Variants in RGS8 observed in about 807,000 individuals in gnomAD.
RGS8 encodes the protein regulator of G protein signaling 8, also known as regulator of G-protein signaling 8.
Under a neutral mutation model 21.7 loss-of-function variants are expected in RGS8, and 8 were observed. The ratio of observed to expected loss-of-function variants is 0.37; its 90% CI spans 0.22 to 0.66. The LOEUF (loss-of-function observed/expected upper bound fraction) is 0.66. Among genes scored for constraint, RGS8 ranks in the 30% least tolerant of loss-of-function variants. The pLI is 0.59. For synonymous variants in RGS8, 80 were observed against 83.6 expected (o/e 0.96, Z 0.24); for missense variants, 157 against 217.9 (o/e 0.72, Z 1.76).
chr1:182,657,048 T>C (rs1175690800), intron 5 of RGS8, among the ~76,000 whole-genome samples: 1 of 152,234 alleles, frequency 6.6e-6, no homozygotes, highest in East Asian at 1.9e-4. Flanking sequence ...CTGGAGCAGA[T>C]GGCAGCAGCG....
the RGS8 span, among the ~76,000 whole-genome samples, chr1:182,752,205 G>A: frequency 2.0e-5 from 3 of 152,214 alleles, no homozygotes; most frequent in Non-Finnish European, 4.4e-5. Flanking sequence ...TGACATGACA[G>A]CAGAGGCTGG....
At chr1:182,692,006 CTT>C in the RGS8 span, among the ~76,000 whole-genome samples, 5,256 of 138,032 alleles carry the variant, frequency 0.038, 112 homozygotes, top group Admixed American at 0.048. Context: ...GTTAGCATTT[CTT>C]TTTTTTTTTT....
chr1:182,723,146 G>A, the RGS8 span, among the ~76,000 whole-genome samples: 1 of 152,044 alleles, frequency 6.6e-6, no homozygotes, highest in South Asian at 2.1e-4. Flanking sequence ...GGTTGGGGGG[G>A]ACATTATTCA....
chr1:182,685,842 G>A (rs1043119720), upstream of RGS8, among the ~76,000 whole-genome samples: 5 of 152,166 alleles, frequency 3.3e-5, no homozygotes, highest in African/African-American at 1.2e-4. Context: ...CCTAGTATGT[G>A]CTGTGGGGGA....
chr1:182,671,042 C>T (rs1664132791), intron 2 of RGS8, among the ~76,000 whole-genome samples: 1 of 152,200 alleles, frequency 6.6e-6, no homozygotes, highest in African/African-American at 2.4e-5. Context: ...CGACTACCCA[C>T]CTACATTGCA....
chr1:182,717,066 C>G, the RGS8 span, among the ~76,000 whole-genome samples: 2 of 152,170 alleles, frequency 1.3e-5, no homozygotes, highest in Non-Finnish European at 2.9e-5. Flanking sequence ...ATGAGTGGCT[C>G]TCATTACTAT....
intron 3 of RGS8, among the ~76,000 whole-genome samples, chr1:182,668,988 G>C (rs79086816): frequency 1.3e-3 from 198 of 152,282 alleles, no homozygotes; most frequent in African/African-American, 4.5e-3. Context: ...CCCTCAAAGA[G>C]CAATCAAGAG....
upstream of RGS8, among the ~76,000 whole-genome samples, chr1:182,686,122 G>A (rs589232): frequency 0.23 from 34,488 of 151,928 alleles, 5,467 homozygotes; most frequent in African/African-American, 0.45. Context: ...AGAGAAAGCA[G>A]GGCTGAGGAA....
upstream of RGS8, among the ~76,000 whole-genome samples, chr1:182,677,124 T>C (rs578187771): frequency 7.2e-5 from 11 of 152,306 alleles, 1 homozygote; most frequent in South Asian, 2.3e-3. Context: ...AAAGAAAGTG[T>C]GGTGGATTTG....
At chr1:182,718,061 T>A in the RGS8 span, among the ~76,000 whole-genome samples, 2 of 152,218 alleles carry the variant, frequency 1.3e-5, no homozygotes, top group Non-Finnish European at 2.9e-5. Flanking sequence ...GACCTAAGTC[T>A]GTGCTGAGAT....
At chr1:182,679,841 C>T (rs1664484739) in intron 1 of RGS8, among the ~76,000 whole-genome samples, 1 of 152,132 alleles carries the variant, frequency 6.6e-6, no homozygotes, top group African/African-American at 2.4e-5. Flanking sequence ...ACCCCCTACA[C>T]ACACATATAA....
Position 182,671,826 on chromosome 1 carries a change from A to T in RGS8, c.-178+23T>A, listed in dbSNP as rs1000974949. The T allele has an allele frequency of 3.1e-6, 5 of 1,597,820 alleles. No homozygotes were observed. In the East Asian group the frequency reaches 9.0e-5, roughly 29 times the overall value. On this transcript the variant is annotated intron_variant, in intron 1 of 6. Coordinates refer to ENST00000483095, the Ensembl canonical transcript of RGS8. ...CATAGGGGCACACACACACATATAC[A>T]CACACAGGCATGCACAACACACCTC...
the RGS8 span, among the ~76,000 whole-genome samples, chr1:182,739,962 TCCCAACA>T: frequency 6.6e-6 from 1 of 151,920 alleles, no homozygotes; most frequent in Admixed American, 6.6e-5. Context: ...ATGCTCCAGC[TCCCAACA>T]CCCAACCCCC....
the RGS8 span, among the ~76,000 whole-genome samples, chr1:182,701,266 C>T: frequency 2.0e-5 from 3 of 152,208 alleles, no homozygotes; most frequent in Non-Finnish European, 4.4e-5. Context: ...CAGCAGGCAT[C>T]AGATGACTTC....
In RGS8 at chr1:182,666,976, G is replaced by A. The variant is rs780270260; in HGVS notation, c.27-3C>T. 6.2e-7 allele frequency: 1 copy of A among 1,610,506 alleles called. No homozygotes were observed. The highest frequency in any genetic ancestry group is 1.1e-5 in the South Asian group (1 of 90,988). ...GTCGAGTCCTCATCCCTTTGTTCCT[G>A]CAACAAGCACAGGGGCAGAAGGACG... On this transcript the variant is annotated splice_region_variant and splice_polypyrimidine_tract_variant and intron_variant, in intron 3 of 6. Coordinates refer to ENST00000483095, the Ensembl canonical transcript of RGS8.
At chr1:182,670,743 T>C (rs1222297518) in intron 2 of RGS8, among the ~76,000 whole-genome samples, 1 of 152,214 alleles carries the variant, frequency 6.6e-6, no homozygotes, top group Admixed American at 6.5e-5. Flanking sequence ...ATTAATAAAA[T>C]TAAAAGATTG....
At chr1:182,651,012 C>T (rs1205613746) in intron 5 of RGS8, among the ~76,000 whole-genome samples, 6 of 152,076 alleles carry the variant, frequency 3.9e-5, no homozygotes, top group African/African-American at 7.2e-5. Flanking sequence ...ATGAGAGTAA[C>T]GTAATTTAGA....
downstream of RGS8, chr1:182,643,105 C>T (rs1662538378): frequency 6.6e-6 from 1 of 152,274 alleles, no homozygotes; most frequent in Non-Finnish European, 1.5e-5. Context: ...TCAAGGGTCC[C>T]TTCAGCTACC....
chr1:182,738,639 T>C, the RGS8 span, among the ~76,000 whole-genome samples: 1 of 152,134 alleles, frequency 6.6e-6, no homozygotes, highest in African/African-American at 2.4e-5. Flanking sequence ...CTGTAATTAA[T>C]ATGAAGTATG....
Sources: allele counts gnomAD v4.1 joint callset (sites outside exome capture counted in the v4.1 genomes callset), GRCh38; gene constraint gnomAD v4.1.1; transcripts MANE v1.5; gene names NCBI Gene and HGNC (gene_info 2026-07-23, HGNC 2026-07-21).